The following SMS variants were observed in gnomAD, a reference collection of about 807,000 sequenced individuals.
SMS encodes spermidine aminopropyltransferase.
A neutral mutation model predicts 33.0 loss-of-function variants in SMS; 3 were observed. The ratio of observed to expected loss-of-function variants is 0.09; its 90% CI spans 0.04 to 0.23. SMS has a LOEUF of 0.23. Among genes scored for constraint, SMS ranks in the 10% least tolerant of loss-of-function variants. The pLI, the probability that SMS is intolerant of heterozygous loss-of-function variation, is 1.00. For missense variants in SMS, 117 were observed against 288.6 expected (o/e 0.41, Z 4.31); for synonymous variants, 103 against 112.2 (o/e 0.92, Z 0.52).
intron 7 of SMS, among the ~76,000 whole-genome samples, chrX:21,982,104 T>C (rs892624936): frequency 4.6e-5 from 5 of 108,994 alleles, no homozygotes; most frequent in African/African-American, 1.7e-4. Context: ...GAGGCTGAGG[T>C]GGGCGGATCA....
intron 1 of SMS, among the ~76,000 whole-genome samples, chrX:21,950,940 T>C (rs1414075622): frequency 8.9e-6 from 1 of 112,300 alleles, no homozygotes; most frequent in Non-Finnish European, 1.9e-5. Context: ...GAATGATTTA[T>C]AATCTTTTGG....
intron 4 of SMS, among the ~76,000 whole-genome samples, chrX:21,974,146 G>C (rs1408031866): frequency 1.8e-5 from 2 of 112,432 alleles, no homozygotes; most frequent in Non-Finnish European, 3.8e-5. Context: ...CTTTCCAGAA[G>C]AAGGAATCCT....
chrX:21,957,503 G>A (rs1923054771), intron 1 of SMS, among the ~76,000 whole-genome samples: 1 of 110,898 alleles, frequency 9.0e-6, no homozygotes, highest in Admixed American at 9.6e-5. Context: ...CACCGTGTTG[G>A]GCAGGCTGGT....
At chrX:21,947,305 A>T (rs1202013745) in intron 1 of SMS, among the ~76,000 whole-genome samples, 1 of 111,283 alleles carries the variant, frequency 9.0e-6, no homozygotes, top group Non-Finnish European at 1.9e-5. Flanking sequence ...GGGGCTGATG[A>T]CTGGGAGTGG....
chrX:21,963,774 T>G (rs1463838299), intron 1 of SMS, among the ~76,000 whole-genome samples: 1 of 112,250 alleles, frequency 8.9e-6, no homozygotes, highest in Non-Finnish European at 1.9e-5. Context: ...TTGTCTAGAT[T>G]GTTCGTTCAC....
intron 1 of SMS, among the ~76,000 whole-genome samples, chrX:21,962,762 C>T (rs1405812902): frequency 9.0e-6 from 1 of 111,497 alleles, no homozygotes; most frequent in Non-Finnish European, 1.9e-5. Context: ...CTAAGGTGTT[C>T]CTCCCATCTC....
intron 7 of SMS, among the ~76,000 whole-genome samples, chrX:21,979,551 G>A (rs1414456428): frequency 3.6e-5 from 4 of 111,259 alleles, no homozygotes; most frequent in Non-Finnish European, 5.7e-5. Flanking sequence ...TTTTATGGCT[G>A]CATAGTATTC....
intron 1 of SMS, among the ~76,000 whole-genome samples, chrX:21,952,934 G>A (rs1459366655): frequency 4.8e-5 from 5 of 103,359 alleles, no homozygotes; most frequent in Non-Finnish European, 7.8e-5. Context: ...GCTAATTTTC[G>A]TATTTTTTTT....
intron 1 of SMS, among the ~76,000 whole-genome samples, chrX:21,961,177 A>G (rs1170955564): frequency 9.3e-6 from 1 of 107,823 alleles, no homozygotes; most frequent in Non-Finnish European, 1.9e-5. Flanking sequence ...ATTAAATAGC[A>G]GTACAAGACC....
Position 21,979,004 on chromosome X carries a change from AATAAT to A in SMS, c.750+43_750+47del, listed in dbSNP as rs757337630. On this transcript the variant is annotated intron_variant, in intron 7 of 10. Transcript: ENST00000404933. ...TGGATAATGTAGTTTTAAGTGAACT[AATAAT>A]ATAAGTTATTGATCAGAATTGTGCC... 1.6e-5 allele frequency: 15 copies of A among 950,360 alleles called. No homozygotes were observed. In the South Asian group the frequency reaches 2.5e-4, roughly 16 times the overall value. The allele number at this position is 950,360 out of a possible 1,213,427, so 78.3% of individuals were successfully genotyped here. A position where few individuals can be genotyped will look rare whatever the true frequency, so the allele number is the denominator to read the frequency against.
intron 10 of SMS, among the ~76,000 whole-genome samples, chrX:21,993,244 A>G (rs930813958): frequency 1.8e-5 from 2 of 112,878 alleles, no homozygotes; most frequent in Non-Finnish European, 3.7e-5. Flanking sequence ...ATAACCTGAC[A>G]TTAATACTAG....
In SMS at chrX:21,962,857, G is replaced by A. The variant is rs148751193; in HGVS notation, c.50-4339G>A. Among the ~76,000 whole-genome samples the A allele has an allele frequency of 4.2e-4, 46 of 109,824 alleles. No individual in the cohort carries two copies. The East Asian group carries it at 7.2e-3, about 17-fold the overall frequency. The stretch of plus-strand genomic sequence containing the variant: ...TTTTGGTAGAGACAGATTTTACCAC[G>A]TTGCCCAGGCTGGTCTCGAACTCCT... On this transcript the variant is annotated intron_variant, in intron 1 of 10. Transcript: ENST00000404933.
chrX:21,992,580 A>C lies in SMS; in HGVS notation c.946-17A>C. 1.8e-6 allele frequency: 2 copies of C among 1,086,825 alleles called. No homozygotes were observed. The highest frequency in any genetic ancestry group is 7.0e-4 in the Middle Eastern group (2 of 2,866). The allele number at this position is 1,086,825 out of a possible 1,213,427, so 89.6% of individuals were successfully genotyped here. A position where few individuals can be genotyped will look rare whatever the true frequency, so the allele number is the denominator to read the frequency against. On this transcript the variant is annotated splice_polypyrimidine_tract_variant and intron_variant, in intron 9 of 10. Coordinates refer to ENST00000404933, the MANE Select transcript of SMS (RefSeq NM_004595.5). ...AAGGACTCAAGAATCCCATTTGCTT[A>C]TCTCTCTTTGATTTAGGGGAACTGT... is the stretch of plus-strand genomic sequence containing the variant.
At chrX:21,959,765 C>T (rs1045389589) in intron 1 of SMS, 1 of 142,034 alleles carries the variant, frequency 7.0e-6, no homozygotes, top group South Asian at 3.1e-4. Context: ...TGTGCACAAC[C>T]TGAGCCTGGC....
At chrX:21,958,618 C>G (rs748631000) in intron 1 of SMS, among the ~76,000 whole-genome samples, 10 of 112,647 alleles carry the variant, frequency 8.9e-5, no homozygotes, top group African/African-American at 3.2e-4. Flanking sequence ...TATTCCTCCC[C>G]GCATTCTTCC....
intron 1 of SMS, among the ~76,000 whole-genome samples, chrX:21,955,194 G>A (rs1922894453): frequency 8.9e-6 from 1 of 112,381 alleles, no homozygotes; most frequent in Admixed American, 9.4e-5. Context: ...CCCGGTTAAG[G>A]TTAGTGAGAA....
chrX:21,969,682 C>A (rs1923987609), intron 2 of SMS, among the ~76,000 whole-genome samples: 1 of 112,631 alleles, frequency 8.9e-6, no homozygotes, highest in Non-Finnish European at 1.9e-5. Context: ...CTACCATAGG[C>A]ACCAATTCCA....
At chrX:21,944,539 A>ACAAAAAAAAAAAAAAAAAG (rs1555992681) in intron 1 of SMS, among the ~76,000 whole-genome samples, 1 of 81,439 alleles carries the variant, frequency 1.2e-5, no homozygotes, top group Non-Finnish European at 2.3e-5. Context: ...AAAAAAAAAA[A>ACAAAAAAAAAAAAAAAAAG]AAAAAAGAAA....
At chrX:21,965,584 CAAAAAA>C (rs372094407) in intron 1 of SMS, among the ~76,000 whole-genome samples, 1 of 60,642 alleles carries the variant, frequency 1.6e-5, no homozygotes, top group African/African-American at 9.0e-5. Context: ...ACTACAAATA[CAAAAAA>C]AAAAAAAAAA....
Sources: gnomAD v4.1 joint callset for allele counts (sites outside exome capture counted in the v4.1 genomes callset) on GRCh38, gnomAD v4.1.1 for gene constraint, MANE v1.5 for transcripts, NCBI Gene and HGNC (gene_info 2026-07-23, HGNC 2026-07-21) for gene names.